The following C2CD3 variants were observed in gnomAD, a reference collection of about 807,000 sequenced individuals.
C2CD3 encodes C2 domain-containing protein 3.
Under a neutral mutation model 234.0 loss-of-function variants are expected in C2CD3, and 148 were observed. That is an observed-to-expected ratio of 0.63 (90% CI 0.55 to 0.72). C2CD3 has a LOEUF of 0.72. Among genes scored for constraint, C2CD3 ranks in the 30% least tolerant of loss-of-function variants. The pLI, the probability that C2CD3 is intolerant of heterozygous loss-of-function variation, is 0.00. For missense variants in C2CD3, 2,577 were observed against 2,811.5 expected (o/e 0.92, Z 1.89); for synonymous variants, 1,000 against 1,035.4 (o/e 0.97, Z 0.66).
chr11:74,037,106 AGAG>A (rs1285976692), intron 30 of C2CD3, among the ~76,000 whole-genome samples: 1 of 152,174 alleles, frequency 6.6e-6, no homozygotes, highest in Non-Finnish European at 1.5e-5. Context: ...ATTTTCTCAG[AGAG>A]TGGCACAAGT....
chr11:74,039,172 AAAT>A (rs1315813141), intron 29 of C2CD3, among the ~76,000 whole-genome samples: 1 of 152,180 alleles, frequency 6.6e-6, no homozygotes, highest in Non-Finnish European at 1.5e-5. Context: ...TAGCTTTGGG[AAAT>A]AAGCAAATCT....
chr11:74,039,374 T>C (rs1490752909), intron 29 of C2CD3, among the ~76,000 whole-genome samples: 1 of 152,204 alleles, frequency 6.6e-6, no homozygotes, highest in Non-Finnish European at 1.5e-5. Flanking sequence ...GTTATGCAAA[T>C]TGATCTCACC....
At chr11:74,135,938 A>T (rs1214417389) in intron 5 of C2CD3, among the ~76,000 whole-genome samples, 1 of 152,110 alleles carries the variant, frequency 6.6e-6, no homozygotes, top group Admixed American at 6.5e-5. Flanking sequence ...GGATATAAAG[A>T]TGGTAACAAT....
At chr11:74,085,174 C>A (rs369893743) in intron 21 of C2CD3, among the ~76,000 whole-genome samples, 2 of 147,068 alleles carry the variant, frequency 1.4e-5, no homozygotes, top group Admixed American at 1.4e-4. Context: ...GTCTCACTCT[C>A]TCATCCAGGC....
At chr11:74,077,771 GTATATATATA>G (rs553597652) in intron 23 of C2CD3, among the ~76,000 whole-genome samples, 4 of 69,196 alleles carry the variant, frequency 5.8e-5, no homozygotes, top group Non-Finnish European at 1.1e-4. Context: ...AGAACTTACA[GTATATATATA>G]TATATATATA....
intron 26 of C2CD3, among the ~76,000 whole-genome samples, chr11:74,054,060 C>T (rs1953832922): frequency 6.6e-6 from 1 of 152,082 alleles, no homozygotes; most frequent in Non-Finnish European, 1.5e-5. Flanking sequence ...ATCACGAGGT[C>T]AGGAGATCGA....
chr11:74,098,894 T>C (rs1441317810), intron 15 of C2CD3, among the ~76,000 whole-genome samples: 1 of 152,204 alleles, frequency 6.6e-6, no homozygotes, highest in Non-Finnish European at 1.5e-5. Context: ...AAGCAATTCA[T>C]TTAACATTTT....
At chr11:74,025,500 C>A (rs747804916) in intron 32 of C2CD3, among the ~76,000 whole-genome samples, 7 of 152,020 alleles carry the variant, frequency 4.6e-5, no homozygotes, top group Non-Finnish European at 1.0e-4. Context: ...ACTAAAAATG[C>A]CCCTAGGAGT....
At chr11:74,146,044 C>CT (rs1249142860) in intron 3 of C2CD3, among the ~76,000 whole-genome samples, 1 of 151,982 alleles carries the variant, frequency 6.6e-6, no homozygotes, top group African/African-American at 2.4e-5. Flanking sequence ...GAAACAAACT[C>CT]TAGTAAGAAT....
intron 22 of C2CD3, among the ~76,000 whole-genome samples, chr11:74,082,762 CT>C (rs1407027724): frequency 6.6e-6 from 1 of 152,080 alleles, no homozygotes; most frequent in Non-Finnish European, 1.5e-5. Context: ...TCAAGAAGAA[CT>C]ACAAACCACT....
At chr11:74,016,304 G>A (rs1386834928) in intron 32 of C2CD3, among the ~76,000 whole-genome samples, 3 of 148,844 alleles carry the variant, frequency 2.0e-5, no homozygotes, top group African/African-American at 2.6e-5. Flanking sequence ...AGTCTGGGGC[G>A]GCTTCACAGG....
intron 26 of C2CD3, among the ~76,000 whole-genome samples, chr11:74,053,214 T>C (rs1224313217): frequency 1.3e-5 from 2 of 152,212 alleles, no homozygotes; most frequent in East Asian, 3.8e-4. Context: ...GCTATAAAAT[T>C]AGACTAATTT....
intron 3 of C2CD3, among the ~76,000 whole-genome samples, chr11:74,149,561 CTCT>C (rs1201367192): frequency 6.6e-6 from 1 of 150,496 alleles, no homozygotes; most frequent in Non-Finnish European, 1.5e-5. Context: ...TCGAATTCTC[CTCT>C]TAAGATTTTC....
chr11:74,149,268 T>C (rs1201200517), intron 3 of C2CD3, among the ~76,000 whole-genome samples: 2 of 152,220 alleles, frequency 1.3e-5, no homozygotes, highest in African/African-American at 4.8e-5. Flanking sequence ...TGTATTCCAT[T>C]TATAGCTGAA....
intron 31 of C2CD3, among the ~76,000 whole-genome samples, chr11:74,030,061 AACTTT>A (rs749436506): frequency 6.6e-6 from 1 of 152,120 alleles, no homozygotes; most frequent in South Asian, 2.1e-4. Flanking sequence ...TGGCCTCATG[AACTTT>A]AAATTCCTGT....
rs1484137644 is a variant in C2CD3 at position 74,057,561 on chromosome 11, T to TGCAGTGA, written c.4952-24_4952-18dup. The TGCAGTGA allele has an allele frequency of 6.2e-7, 1 of 1,613,820 alleles. No homozygotes were observed. Among genetic ancestry groups the TGCAGTGA allele is most frequent in the East Asian group, 2.2e-5 (1 of 44,894 alleles). On this transcript the variant is annotated splice_polypyrimidine_tract_variant and intron_variant, in intron 24 of 32. Transcript: ENST00000334126. Reference sequence around the variant, plus strand: ...AGGGGCTCCCTGAAATAGAATAAAGTGCAGTGACTGTACTTTAGGGTACAC... The same window carrying TGCAGTGA: ...AGGGGCTCCCTGAAATAGAATAAAGTGCAGTGAGCAGTGACTGTACTTTAGGGTACAC...
chr11:74,133,366 C>T, intron 6 of C2CD3, 59 bp downstream of exon 6: 1 of 1,500,948 alleles, frequency 6.7e-7, no homozygotes, highest in Non-Finnish European at 9.2e-7. Flanking sequence ...TGACAAAAAA[C>T]ACAGGTTAAC....
At chr11:74,100,432 G>T in intron 15 of C2CD3, 93 bp downstream of exon 15, 1 of 1,170,202 alleles carries the variant, frequency 8.5e-7, no homozygotes, top group Non-Finnish European at 1.2e-6. Flanking sequence ...GGGATTACTG[G>T]GCTATTCATG....
At chr11:74,049,075 C>T (rs1314053157) in intron 27 of C2CD3, among the ~76,000 whole-genome samples, 1 of 152,090 alleles carries the variant, frequency 6.6e-6, no homozygotes, top group African/African-American at 2.4e-5. Flanking sequence ...TATTTGGAAA[C>T]TGCGATATAA....
Sources: gnomAD v4.1 joint callset for allele counts (sites outside exome capture counted in the v4.1 genomes callset) on GRCh38, gnomAD v4.1.1 for gene constraint, MANE v1.5 for transcripts, NCBI Gene and HGNC (gene_info 2026-07-23, HGNC 2026-07-21) for gene names.